The following PPP1R1C variants were observed in gnomAD, a reference collection of about 807,000 sequenced individuals.
PPP1R1C encodes the protein protein phosphatase 1 regulatory inhibitor subunit 1C.
Under a neutral mutation model 17.4 loss-of-function variants are expected in PPP1R1C, and 15 were observed. The ratio of observed to expected loss-of-function variants is 0.86; its 90% CI spans 0.58 to 1.33. PPP1R1C has a LOEUF of 1.33. Among genes scored for constraint, PPP1R1C ranks in the 40% most tolerant of loss-of-function variants. The pLI, the probability that PPP1R1C is intolerant of heterozygous loss-of-function variation, is 0.00. For missense variants in PPP1R1C, 143 were observed against 130.0 expected, an observed-to-expected ratio of 1.10 and a Z score of -0.48; for synonymous variants, 35 against 43.1, an observed-to-expected ratio of 0.81 and a Z score of 0.73.
chr2:181,964,497 T>G (rs1420129700), intron 1 of PPP1R1C, among the ~76,000 whole-genome samples: 1 of 152,238 alleles, frequency 6.6e-6, no homozygotes, highest in African/African-American at 2.4e-5. Flanking sequence ...GTGGAATTAC[T>G]GGATCATATG....
intron 1 of PPP1R1C, among the ~76,000 whole-genome samples, chr2:181,959,840 T>G (rs999136984): frequency 3.9e-5 from 6 of 152,140 alleles, no homozygotes; most frequent in Admixed American, 1.3e-4. Context: ...CTAGTATGAC[T>G]TTAGCTTTTT....
chr2:181,989,204 T>A (rs995725728), intron 2 of PPP1R1C, among the ~76,000 whole-genome samples: 7 of 152,220 alleles, frequency 4.6e-5, no homozygotes, highest in Non-Finnish European at 1.0e-4. Context: ...TTTCCAGGTG[T>A]TCTATCTCCT....
At chr2:181,991,293 A>T (rs1028196674) in intron 2 of PPP1R1C, among the ~76,000 whole-genome samples, 2 of 152,170 alleles carry the variant, frequency 1.3e-5, no homozygotes, top group Non-Finnish European at 2.9e-5. Flanking sequence ...CATAGATGAG[A>T]TAGGCACCTG....
Position 181,961,977 on chromosome 2 carries a change from A to G in PPP1R1C, n.111+7343A>G. The stretch of plus-strand genomic sequence containing the variant: ...GGGTGCATGGCCAGCTCTGTCTCAT[A>G]CTTGACTCTAAAGTCATCGGCTGCA... On this transcript the variant is annotated intron_variant and non_coding_transcript_variant, in intron 1 of 5. Transcript: ENST00000464264. The surrounding 1 kb of genome is among the most constrained non-coding windows in gnomAD (Gnocchi z 5.8). 1.4e-6 allele frequency: 1 copy of G among 734,324 alleles called. No homozygotes were observed. The highest frequency in any genetic ancestry group is 2.5e-6 in the Non-Finnish European group (1 of 397,770). 45.5% of individuals were successfully genotyped at this position (734,324 alleles called of 1,614,324 possible).
intron 4 of PPP1R1C, among the ~76,000 whole-genome samples, chr2:182,075,587 C>T (rs1574430727): frequency 1.3e-5 from 2 of 152,214 alleles, no homozygotes; most frequent in Non-Finnish European, 2.9e-5. Flanking sequence ...AAAATTTACA[C>T]ACCATCACTG....
At chr2:182,028,343 G>A (rs200583914) in intron 2 of PPP1R1C, among the ~76,000 whole-genome samples, 88,990 of 140,426 alleles carry the variant, frequency 0.63, 29,103 homozygotes, top group Non-Finnish European at 0.74. Flanking sequence ...TCTCTTGTGG[G>A]CATTTAGTGC....
intron 2 of PPP1R1C, among the ~76,000 whole-genome samples, chr2:182,030,176 G>T (rs1228542583): frequency 2.0e-5 from 3 of 151,582 alleles, no homozygotes; most frequent in Non-Finnish European, 4.4e-5. Flanking sequence ...CCATAGCTCA[G>T]GGTAATTTGA....
chr2:181,959,145 C>A (rs537029742), intron 1 of PPP1R1C, among the ~76,000 whole-genome samples: 2 of 152,258 alleles, frequency 1.3e-5, no homozygotes, highest in South Asian at 2.1e-4. Flanking sequence ...TACTTGGGAG[C>A]CTCAGTCTGT....
chr2:181,970,429 C>T (rs570960704), intron 1 of PPP1R1C, among the ~76,000 whole-genome samples: 4 of 152,302 alleles, frequency 2.6e-5, no homozygotes, highest in African/African-American at 7.2e-5. Context: ...TGGATAAGAT[C>T]TTGAAGTATT....
At chr2:182,042,290 A>T (rs143771357) in intron 2 of PPP1R1C, among the ~76,000 whole-genome samples, 1 of 152,332 alleles carries the variant, frequency 6.6e-6, no homozygotes, top group East Asian at 1.9e-4. Context: ...AAATATGAAA[A>T]ATGAGTGACT....
chr2:182,044,322 A>C (rs1687279168), intron 2 of PPP1R1C, among the ~76,000 whole-genome samples: 1 of 152,184 alleles, frequency 6.6e-6, no homozygotes, highest in African/African-American at 2.4e-5. Flanking sequence ...TCCCTGAATC[A>C]TCTAGTCTTA....
downstream of PPP1R1C, among the ~76,000 whole-genome samples, chr2:182,121,178 T>C (rs187360280): frequency 4.9e-4 from 75 of 152,178 alleles, no homozygotes; most frequent in Middle Eastern, 0.024. Flanking sequence ...AATATAATTG[T>C]TTGTAGCTGG....
At chr2:181,968,667 T>C (rs1024028110) in intron 1 of PPP1R1C, among the ~76,000 whole-genome samples, 1 of 152,164 alleles carries the variant, frequency 6.6e-6, no homozygotes, top group Admixed American at 6.5e-5. Context: ...TGGCTTTTGA[T>C]TGGAGAGTTT....
At chr2:182,002,637 T>C (rs1480794941) in intron 2 of PPP1R1C, among the ~76,000 whole-genome samples, 3 of 152,082 alleles carry the variant, frequency 2.0e-5, no homozygotes, top group Non-Finnish European at 4.4e-5. Flanking sequence ...AAAGAATGGC[T>C]AAGACTAATG....
chr2:182,025,110 A>G (rs1304285927), intron 2 of PPP1R1C, among the ~76,000 whole-genome samples: 2 of 150,470 alleles, frequency 1.3e-5, no homozygotes, highest in East Asian at 3.9e-4. Context: ...ACTCTTTATA[A>G]GGCAATTATT....
chr2:181,971,881 T>C (rs1685014777), intron 1 of PPP1R1C, among the ~76,000 whole-genome samples: 1 of 152,210 alleles, frequency 6.6e-6, no homozygotes, highest in African/African-American at 2.4e-5. Flanking sequence ...ACAATCCCTT[T>C]GCTCTCCTTT....
At chr2:182,104,292 T>C (rs754763368) in intron 4 of PPP1R1C, among the ~76,000 whole-genome samples, 17 of 152,192 alleles carry the variant, frequency 1.1e-4, no homozygotes, top group Non-Finnish European at 1.5e-4. Flanking sequence ...TGGTCTTCCA[T>C]TGAGTATGAT....
At chr2:182,048,044 C>A (rs1687396210) in intron 2 of PPP1R1C, among the ~76,000 whole-genome samples, 2 of 152,054 alleles carry the variant, frequency 1.3e-5, no homozygotes, top group Non-Finnish European at 2.9e-5. Context: ...AGATAAAAAT[C>A]TATTAAGTAA....
intron 2 of PPP1R1C, among the ~76,000 whole-genome samples, chr2:182,023,380 G>A (rs979594679): frequency 1.3e-5 from 2 of 152,020 alleles, no homozygotes; most frequent in Admixed American, 6.6e-5. Context: ...TGGATGAAAA[G>A]CTTGAGTTCA....
Sources: allele counts gnomAD v4.1 joint callset (sites outside exome capture counted in the v4.1 genomes callset), GRCh38; gene constraint gnomAD v4.1.1; non-coding constraint Gnocchi (gnomAD v3.1); transcripts MANE v1.5; gene names NCBI Gene and HGNC (gene_info 2026-07-23, HGNC 2026-07-21).